The following LRRC17 variants were observed in gnomAD, a reference collection of about 807,000 sequenced individuals.
LRRC17 encodes the protein leucine rich repeat containing 17.
LRRC17 carries 33 observed loss-of-function variants against 41.5 expected under a neutral mutation model. That is an observed-to-expected ratio of 0.80 (90% CI 0.60 to 1.06). The LOEUF (loss-of-function observed/expected upper bound fraction) is 1.06. Among genes scored for constraint, LRRC17 ranks in the 50% least tolerant of loss-of-function variants. LRRC17 has a pLI of 0.00. For missense variants in LRRC17, 491 were observed against 519.3 expected (o/e 0.95, Z 0.53); for synonymous variants, 192 against 197.0 (o/e 0.97, Z 0.21).
chr7:102,914,944 A>G (rs889073266), intron 1 of LRRC17, among the ~76,000 whole-genome samples: 2 of 152,010 alleles, frequency 1.3e-5, no homozygotes, highest in African/African-American at 4.8e-5. Context: ...ATTTCTAGCA[A>G]TCCTTTAGCT....
intron 1 of LRRC17, chr7:102,926,172 G>T: frequency 1.2e-6 from 1 of 854,716 alleles, no homozygotes; most frequent in Non-Finnish European, 1.8e-6. Context: ...ACAGTGGTGG[G>T]GTGTTGATAA....
At chr7:102,924,805 T>C (rs772402255) in intron 1 of LRRC17, among the ~76,000 whole-genome samples, 4 of 151,912 alleles carry the variant, frequency 2.6e-5, no homozygotes, top group Non-Finnish European at 5.9e-5. Flanking sequence ...CGCACCCGGC[T>C]AATTTTTTCT....
intron 2 of LRRC17, among the ~76,000 whole-genome samples, chr7:102,936,520 A>G (rs1353503122): frequency 2.6e-5 from 4 of 152,158 alleles, no homozygotes; most frequent in Non-Finnish European, 5.9e-5. Context: ...AATTTCCCGG[A>G]TATTGTTATG....
chr7:102,917,099 C>T (rs1226418807), intron 1 of LRRC17, among the ~76,000 whole-genome samples: 1 of 152,152 alleles, frequency 6.6e-6, no homozygotes, highest in East Asian at 1.9e-4. Context: ...GAGTGTTGGG[C>T]TCTCTGGTTT....
intron 3 of LRRC17, among the ~76,000 whole-genome samples, chr7:102,940,217 GT>G (rs200641926): frequency 2.4e-4 from 28 of 117,526 alleles, no homozygotes; most frequent in African/African-American, 2.9e-4. Flanking sequence ...TTTTTTGTTT[GT>G]TTTTTTTTTT....
chr7:102,941,774 A>G (rs1821502014), intron 3 of LRRC17, among the ~76,000 whole-genome samples: 1 of 152,120 alleles, frequency 6.6e-6, no homozygotes, highest in Non-Finnish European at 1.5e-5. Context: ...TATAATAGTT[A>G]TTATATGTCC....
At chr7:102,932,490 T>TC (rs1481049864) in intron 1 of LRRC17, among the ~76,000 whole-genome samples, 2 of 6,368 alleles carry the variant, frequency 3.1e-4, no homozygotes, top group East Asian at 0.013. Flanking sequence ...CCAGTACACT[T>TC]CCCCCCAAAT....
At position 102,944,215 on chromosome 7, in the gene LRRC17, T is replaced by A; in HGVS notation, c.934T>A (p.Phe312Ile). The A allele has an allele frequency of 6.2e-7, 1 of 1,601,404 alleles. No homozygotes were observed. Among genetic ancestry groups the A allele is most frequent in the South Asian group, 1.1e-5 (1 of 88,610 alleles). The change falls in exon 4 of 4, where the codon TTT becomes ATT. Residue 312 changes from phenylalanine to isoleucine, a missense_variant. By Grantham distance (21) the Phe-to-Ile change is conservative (BLOSUM62 0). Transcript: ENST00000339431. ...NGIEFIDPAA[F>I]LGLTHLEELD... ...TAAATATTTTCTGTTTCCAGCCGCT[T>A]TTTTAGGGCTCACACATTTAGAAGA...
At chr7:102,941,652 G>C (rs1184372653) in intron 3 of LRRC17, among the ~76,000 whole-genome samples, 1 of 151,962 alleles carries the variant, frequency 6.6e-6, no homozygotes, top group African/African-American at 2.4e-5. Context: ...CCATTCCAAA[G>C]GTCCTTGGGC....
At chr7:102,939,679 G>A (rs954493936) in intron 3 of LRRC17, 94 bp downstream of exon 3, 2 of 1,086,928 alleles carry the variant, frequency 1.8e-6, no homozygotes, top group Middle Eastern at 2.1e-4. Context: ...CAGTTTAAAA[G>A]TAACTGAACT....
At chr7:102,937,503 T>A (rs1211442760) in intron 2 of LRRC17, among the ~76,000 whole-genome samples, 7 of 29,202 alleles carry the variant, frequency 2.4e-4, no homozygotes, top group Non-Finnish European at 4.7e-4. Context: ...CAAGACTCTG[T>A]CTCAAAAAAA....
chr7:102,938,618 T>C (rs919393720), intron 2 of LRRC17, among the ~76,000 whole-genome samples: 6 of 152,220 alleles, frequency 3.9e-5, no homozygotes, highest in Non-Finnish European at 8.8e-5. Context: ...GCATACCACA[T>C]AGTACCTGGA....
intron 1 of LRRC17, chr7:102,926,385 A>C (rs755850608): frequency 1.2e-6 from 2 of 1,605,724 alleles, no homozygotes; most frequent in African/African-American, 2.7e-5. Context: ...CTGCATGAAA[A>C]ACAGAGGGAA....
Position 102,944,197 on chromosome 7 carries a change from T to G in LRRC17, c.929-13T>G, listed in dbSNP as rs1291427193. 1.3e-6 allele frequency: 2 copies of G among 1,585,728 alleles called. No homozygotes were observed. Among genetic ancestry groups the G allele is most frequent in the Non-Finnish European group, 1.7e-6 (2 of 1,168,394 alleles). On this transcript the variant is annotated splice_polypyrimidine_tract_variant and intron_variant, in intron 3 of 3. Coordinates refer to ENST00000339431, the MANE Select transcript of LRRC17 (RefSeq NM_001031692.3). ...TCAATTACTCAGGCTCAATAAATAT[T>G]TTCTGTTTCCAGCCGCTTTTTTAGG...
intron 1 of LRRC17, among the ~76,000 whole-genome samples, chr7:102,931,293 G>A (rs983318902): frequency 1.3e-5 from 2 of 152,210 alleles, no homozygotes; most frequent in Non-Finnish European, 2.9e-5. Context: ...GGGAGGCAGA[G>A]GCAAAACCAC....
rs781691788 is a variant in LRRC17, at chr7:102,913,243, GTAT to G, written c.-141+102_-141+104del. On this transcript the variant is annotated intron_variant, in intron 1 of 3. Coordinates refer to ENST00000339431, the MANE Select transcript of LRRC17 (RefSeq NM_001031692.3). The stretch of plus-strand genomic sequence containing the variant: ...GAAAAGACAAAAGAGAGGAAGGAAA[GTAT>G]TATACTTCCGTTGTTCTCTCAAATC... The G allele has an allele frequency of 4.3e-6, 7 of 1,612,792 alleles. No individual in the cohort carries two copies. The Admixed American group carries it at 6.7e-5, about 15-fold the overall frequency.
At chr7:102,925,801 C>T (rs556610518) in intron 1 of LRRC17, among the ~76,000 whole-genome samples, 106 of 152,104 alleles carry the variant, frequency 7.0e-4, no homozygotes, top group South Asian at 3.3e-3. Flanking sequence ...AATAGCCAGG[C>T]GTGGTGGTGG....
At chr7:102,944,049 T>G (rs954968057) in intron 3 of LRRC17, among the ~76,000 whole-genome samples, 161 bp from the exon 4 acceptor site, 1 of 152,196 alleles carries the variant, frequency 6.6e-6, no homozygotes, top group Non-Finnish European at 1.5e-5. Flanking sequence ...AGTTAAAAGT[T>G]TTCTAAAGTA....
intron 1 of LRRC17, among the ~76,000 whole-genome samples, chr7:102,918,079 C>T (rs1483104583): frequency 6.6e-6 from 1 of 152,086 alleles, no homozygotes; most frequent in Non-Finnish European, 1.5e-5. Context: ...ATACTAAAAG[C>T]AATGAAGAGA....
Sources: gnomAD v4.1 joint callset for allele counts (sites outside exome capture counted in the v4.1 genomes callset) on GRCh38, gnomAD v4.1.1 for gene constraint, MANE v1.5 for transcripts, NCBI Gene and HGNC (gene_info 2026-07-23, HGNC 2026-07-21) for gene names.